The following SPAG17 variants were observed in gnomAD, a reference collection of about 807,000 sequenced individuals.
SPAG17 encodes sperm associated antigen 17, also known as sperm-associated antigen 17.
In SPAG17, 169 loss-of-function variants were observed where a neutral mutation model predicts 273.6. The observed-to-expected ratio is 0.62, with a 90% confidence interval of 0.55 to 0.70. The LOEUF (loss-of-function observed/expected upper bound fraction) is 0.70, where lower values mean the gene tolerates loss of function less well. Ranked by LOEUF, SPAG17 falls within the 30% of genes least tolerant of loss-of-function variation. The pLI, the probability that SPAG17 is intolerant of heterozygous loss-of-function variation, is 0.00. For synonymous variants in SPAG17, 825 were observed against 873.2 expected (o/e 0.94, Z 0.97); for missense variants, 2,557 against 2,627.8 (o/e 0.97, Z 0.59).
intron 15 of SPAG17, among the ~76,000 whole-genome samples, chr1:118,078,605 C>T (rs545936184): frequency 2.6e-5 from 4 of 152,166 alleles, no homozygotes; most frequent in South Asian, 2.1e-4. Flanking sequence ...TGTTGGCATA[C>T]ACCTCTGATG....
intron 22 of SPAG17, among the ~76,000 whole-genome samples, chr1:118,039,821 G>A (rs1411652073): frequency 6.6e-6 from 1 of 152,118 alleles, no homozygotes; most frequent in East Asian, 1.9e-4. Flanking sequence ...AAACCAGGGA[G>A]AGGAAATGCT....
chr1:118,101,521 G>A (rs1205745160), intron 5 of SPAG17, among the ~76,000 whole-genome samples: 1 of 152,208 alleles, frequency 6.6e-6, no homozygotes, highest in East Asian at 1.9e-4. Flanking sequence ...TGAGTGAAAA[G>A]GCTGGGAAAG....
chr1:118,038,355 G>A (rs1012607801), intron 23 of SPAG17, among the ~76,000 whole-genome samples: 2 of 152,096 alleles, frequency 1.3e-5, no homozygotes, highest in African/African-American at 4.8e-5. Context: ...TTTGGAAGAC[G>A]ATTTGGTGGA....
intron 1 of SPAG17, 108 bp downstream of exon 1, chr1:118,184,963 C>T: frequency 3.2e-6 from 3 of 926,492 alleles, no homozygotes; most frequent in Non-Finnish European, 5.1e-6. Flanking sequence ...CATCAGGCCA[C>T]GGAGAGATAC....
At position 118,097,598 on chromosome 1, in the gene SPAG17, G is replaced by C. The variant is rs1352906986; in HGVS notation, c.1011+72C>G. On this transcript the variant is annotated intron_variant, in intron 7 of 48. Transcript: ENST00000336338. ...AGCGCTCAGTAACTATCTATGTGAT[G>C]AATAAATGGAGCAAATAGAACCACT... 3.2e-6 allele frequency: 4 copies of C among 1,253,760 alleles called. No individual in the cohort carries two copies. In the East Asian group the frequency reaches 1.0e-4, roughly 32 times the overall value. 77.7% of individuals were successfully genotyped at this position (1,253,760 alleles called of 1,614,324 possible).
At chr1:118,153,447 A>G (rs1243219853) in intron 1 of SPAG17, among the ~76,000 whole-genome samples, 1 of 152,240 alleles carries the variant, frequency 6.6e-6, no homozygotes, top group Non-Finnish European at 1.5e-5. Context: ...TTGGGCTCAG[A>G]ATGTCTTTCC....
intron 1 of SPAG17, among the ~76,000 whole-genome samples, chr1:118,183,305 C>A (rs1325483621): frequency 6.6e-6 from 1 of 152,064 alleles, no homozygotes; most frequent in Non-Finnish European, 1.5e-5. Context: ...ATTCACACAC[C>A]CACAGTCATC....
chr1:117,995,715 C>T (rs918218924), intron 34 of SPAG17, among the ~76,000 whole-genome samples: 3 of 150,962 alleles, frequency 2.0e-5, no homozygotes, highest in African/African-American at 7.3e-5. Flanking sequence ...CACACACACA[C>T]ACACACACAC....
At chr1:118,138,615 T>C (rs1658491675) in intron 3 of SPAG17, among the ~76,000 whole-genome samples, 1 of 152,124 alleles carries the variant, frequency 6.6e-6, no homozygotes, top group African/African-American at 2.4e-5. Flanking sequence ...CACCCACATA[T>C]ACAAACCATT....
chr1:117,980,483 C>T (rs1186664958), intron 43 of SPAG17, among the ~76,000 whole-genome samples: 1 of 152,208 alleles, frequency 6.6e-6, no homozygotes, highest in Non-Finnish European at 1.5e-5. Flanking sequence ...CTGCCCACCT[C>T]AGCCTCTTAA....
chr1:117,989,187 C>T (rs1457034550), intron 38 of SPAG17, among the ~76,000 whole-genome samples: 2 of 152,140 alleles, frequency 1.3e-5, no homozygotes, highest in East Asian at 3.9e-4. Context: ...CACTGTGTCT[C>T]AGCCTGCTTT....
At chr1:118,065,082 G>T (rs1652816598) in intron 18 of SPAG17, among the ~76,000 whole-genome samples, 1 of 152,058 alleles carries the variant, frequency 6.6e-6, no homozygotes, top group Non-Finnish European at 1.5e-5. Flanking sequence ...TGGCAAGTTT[G>T]ATCCAGAAAA....
rs770774268 is a variant in SPAG17 at position 118,008,102 on chromosome 1, C to A, written c.4529G>T (p.Cys1510Phe). ...TGTTCCATCTCCAAAGGTGGCACAG[C>A]AGCTACTGTCCTCACAGTTGGCGAT... ...TVIANCEDSS[C>F]CATFGDGTTI... is the part of the protein sequence containing the mutation. The change falls in exon 31 of 49, where the codon TGC (cysteine) becomes TTC (phenylalanine). Residue 1510 changes from cysteine (C) to phenylalanine (F), a missense_variant. Coordinates refer to ENST00000336338, the MANE Select transcript of SPAG17 (RefSeq NM_206996.4). The A allele has an allele frequency of 5.6e-6, 9 of 1,614,118 alleles. No individual in the cohort carries two copies. The highest frequency in any genetic ancestry group is 7.6e-6 in the Non-Finnish European group (9 of 1,179,982).
intron 46 of SPAG17, 112 bp downstream of exon 46, chr1:117,969,944 C>G: frequency 1.1e-6 from 1 of 927,432 alleles, no homozygotes; most frequent in Non-Finnish European, 1.7e-6. Context: ...TAGACTTATA[C>G]ATAGTTTAAA....
intron 1 of SPAG17, among the ~76,000 whole-genome samples, chr1:118,174,458 G>C (rs1007623384): frequency 1.3e-5 from 2 of 152,208 alleles, no homozygotes; most frequent in African/African-American, 4.8e-5. Context: ...ATGAAGAAAA[G>C]TATATAGAGC....
intron 42 of SPAG17, among the ~76,000 whole-genome samples, chr1:117,981,692 T>G (rs1167178994): frequency 1.3e-5 from 2 of 152,212 alleles, no homozygotes; most frequent in African/African-American, 4.8e-5. Flanking sequence ...AGTTGTCACC[T>G]TGTTGTGTTA....
chr1:118,039,485 T>A, intron 22 of SPAG17, 41 bp from the exon 23 acceptor site: 1 of 1,602,224 alleles, frequency 6.2e-7, no homozygotes, highest in Non-Finnish European at 8.5e-7. Flanking sequence ...CTGATTAGGA[T>A]GCCACATTAA....
chr1:118,135,422 TGTGTGTGTGG>T (rs1328060705), intron 3 of SPAG17, among the ~76,000 whole-genome samples: 8 of 150,976 alleles, frequency 5.3e-5, no homozygotes, highest in East Asian at 1.9e-4. Context: ...TGTGTGTGTG[TGTGTGTGTGG>T]GGTATGGTGT....
At chr1:118,148,168 T>G (rs1378424896) in intron 3 of SPAG17, among the ~76,000 whole-genome samples, 1 of 152,214 alleles carries the variant, frequency 6.6e-6, no homozygotes, top group Non-Finnish European at 1.5e-5. Context: ...AAATGGGATG[T>G]TGCAAGACTT....
Sources: allele counts gnomAD v4.1 joint callset (sites outside exome capture counted in the v4.1 genomes callset), GRCh38; gene constraint gnomAD v4.1.1; transcripts MANE v1.5; gene names NCBI Gene and HGNC (gene_info 2026-07-23, HGNC 2026-07-21).